PCDHA4: variants seen among roughly 807,000 people sequenced by gnomAD.
The protein encoded by PCDHA4 is protocadherin alpha 4.
In PCDHA4, 49 loss-of-function variants were observed where a neutral mutation model predicts 61.4. That is an observed-to-expected ratio of 0.80 (90% confidence interval 0.63 to 1.01). The LOEUF (loss-of-function observed/expected upper bound fraction) is 1.01, where lower values mean the gene tolerates loss of function less well. Among genes scored for constraint, PCDHA4 ranks in the 50% least tolerant of loss-of-function variants. PCDHA4 has a pLI of 0.00. For missense variants in PCDHA4, 1,254 were observed against 1,235.8 expected (o/e 1.01, Z -0.22); for synonymous variants, 590 against 550.3 (o/e 1.07, Z -1.01).
intron 1 of PCDHA4, among the ~76,000 whole-genome samples, chr5:140,902,823 G>A (rs182466889): frequency 1.6e-3 from 246 of 151,864 alleles, no homozygotes; most frequent in Non-Finnish European, 2.9e-3. Flanking sequence ...TTTGGTTTTC[G>A]ATTTCTGAGT....
At chr5:141,005,321 A>C (rs1455149994) in intron 3 of PCDHA4, among the ~76,000 whole-genome samples, 1 of 152,182 alleles carries the variant, frequency 6.6e-6, no homozygotes, top group Admixed American at 6.5e-5. Context: ...AGTGGTAGAG[A>C]ATAATAGGCC....
intron 1 of PCDHA4, chr5:140,856,664 C>T (rs782626089): frequency 6.3e-7 from 1 of 1,598,020 alleles, no homozygotes; most frequent in Non-Finnish European, 8.6e-7. Context: ...AGAAAATCCT[C>T]AGCTAAAGTT....
chr5:140,915,838 A>AG (rs1359061531), intron 1 of PCDHA4, among the ~76,000 whole-genome samples: 1 of 152,154 alleles, frequency 6.6e-6, no homozygotes, highest in Admixed American at 6.5e-5. Flanking sequence ...TAAGATCAGC[A>AG]GGGGGTGACA....
intron 1 of PCDHA4, among the ~76,000 whole-genome samples, chr5:140,846,219 G>A (rs1780263856): frequency 6.7e-6 from 1 of 149,418 alleles, no homozygotes; most frequent in South Asian, 2.1e-4. Flanking sequence ...TCCATTAATA[G>A]TATTTTTCTT....
chr5:140,967,433 C>A, intron 1 of PCDHA4: 1 of 1,613,500 alleles, frequency 6.2e-7, no homozygotes, highest in Non-Finnish European at 8.5e-7. Context: ...GGCAGCCTTG[C>A]ACCACCTGGT....
At chr5:140,819,480 C>T (rs1242714625) in intron 1 of PCDHA4, among the ~76,000 whole-genome samples, 3 of 152,058 alleles carry the variant, frequency 2.0e-5, no homozygotes, top group Non-Finnish European at 2.9e-5. Flanking sequence ...CACAATGATG[C>T]TTAAACATGA....
At chr5:140,876,709 C>T (rs782033453) in intron 1 of PCDHA4, 1 of 1,614,248 alleles carries the variant, frequency 6.2e-7, no homozygotes, top group Non-Finnish European at 8.5e-7. Context: ...GGACAGCGCC[C>T]TGGACCGCGA....
At chr5:140,876,169 C>G in intron 1 of PCDHA4, 1 of 1,613,916 alleles carries the variant, frequency 6.2e-7, no homozygotes, top group African/African-American at 1.3e-5. Context: ...AATAACCGTC[C>G]TGGATGTGAA....
chr5:140,919,926 TG>T (rs1366281727), intron 1 of PCDHA4, among the ~76,000 whole-genome samples: 3 of 152,088 alleles, frequency 2.0e-5, no homozygotes, highest in African/African-American at 7.2e-5. Flanking sequence ...AATTTTCAGG[TG>T]GGGGCTAATT....
intron 1 of PCDHA4, among the ~76,000 whole-genome samples, chr5:140,941,764 A>T (rs116374830): frequency 2.0e-5 from 3 of 152,190 alleles, no homozygotes. Flanking sequence ...TGCTTTTAAG[A>T]TAATTGTTTT....
chr5:140,882,152 G>A (rs1582595300), intron 1 of PCDHA4: 2 of 1,505,314 alleles, frequency 1.3e-6, no homozygotes, highest in Non-Finnish European at 8.9e-7. Flanking sequence ...GCAGAAAGCG[G>A]AATACCTCTT....
In PCDHA4 at chr5:140,829,498, G is replaced by A. The variant is rs143385612; in HGVS notation, c.2385+19926G>A. On this transcript the variant is annotated intron_variant, in intron 1 of 3. Transcript: ENST00000530339. ...CAGTGTTCGTGAAGGAGAACAACCC[G>A]CCGGGCTGCCACATCTTCACGGTGT... is the stretch of plus-strand genomic sequence containing the variant. The A allele has an allele frequency of 5.0e-6, 8 of 1,613,570 alleles. No individual in the cohort carries two copies. In the African/African-American group the frequency reaches 6.7e-5, roughly 13 times the overall value.
intron 1 of PCDHA4, among the ~76,000 whole-genome samples, chr5:140,951,313 T>C (rs1554219855): frequency 1.3e-5 from 2 of 152,194 alleles, no homozygotes; most frequent in Non-Finnish European, 2.9e-5. Flanking sequence ...TAATGTGTTA[T>C]TCTTGAGATT....
intron 1 of PCDHA4, chr5:140,968,791 C>G (rs2096270570): frequency 2.5e-6 from 4 of 1,614,076 alleles, no homozygotes; most frequent in Non-Finnish European, 3.4e-6. Flanking sequence ...CCTCTGTGGC[C>G]ATTACAGTAG....
At chr5:140,915,982 G>A (rs1563009608) in intron 1 of PCDHA4, among the ~76,000 whole-genome samples, 3 of 152,230 alleles carry the variant, frequency 2.0e-5, no homozygotes, top group South Asian at 2.1e-4. Flanking sequence ...ATTTGACTAC[G>A]GCTAAGCTGG....
At chr5:140,927,342 TGAC>T (rs1554204398) in intron 1 of PCDHA4, 1 of 1,614,160 alleles carries the variant, frequency 6.2e-7, no homozygotes, top group Non-Finnish European at 8.5e-7. Context: ...ATGCCCAAGA[TGAC>T]GACGAGGGAA....
intron 1 of PCDHA4, chr5:140,850,857 G>C: frequency 6.3e-7 from 1 of 1,595,010 alleles, no homozygotes; most frequent in Non-Finnish European, 8.6e-7. Flanking sequence ...GCGAACGGGA[G>C]AACCCTCTGC....
chr5:140,808,809 G>T lies in PCDHA4; in HGVS notation c.1622G>T (p.Gly541Val). 6 of 1,612,748 alleles carry T rather than the reference G, an allele frequency of 3.7e-6. No individual in the cohort carries two copies. Among genetic ancestry groups the T allele is most frequent in the Non-Finnish European group, 5.1e-6 (6 of 1,179,880 alleles). The change falls in exon 1 of 4, where the codon GGC becomes GTC. Residue 541 changes from glycine (G) to valine (V), a missense_variant. Gly to Val is a moderately radical substitution (Grantham distance 109, BLOSUM62 -3). Coordinates refer to ENST00000530339, the MANE Select transcript of PCDHA4 (RefSeq NM_018907.4). ...LQFQVTARDA[G>V]VPPLGSNVTL... Reference sequence around the variant, plus strand: ...TTTCAGGTGACCGCTCGCGATGCCGGCGTGCCACCTCTGGGCAGCAACGTG... The same window carrying T: ...TTTCAGGTGACCGCTCGCGATGCCGTCGTGCCACCTCTGGGCAGCAACGTG...
At chr5:140,858,612 A>G (rs1554151880) in intron 1 of PCDHA4, 2 of 1,223,056 alleles carry the variant, frequency 1.6e-6, no homozygotes, top group Admixed American at 2.7e-5. Flanking sequence ...AAATTTTTTT[A>G]TCCTACCCAG....
Sources: allele counts gnomAD v4.1 joint callset (sites outside exome capture counted in the v4.1 genomes callset), GRCh38; gene constraint gnomAD v4.1.1; transcripts MANE v1.5; gene names NCBI Gene and HGNC (gene_info 2026-07-23, HGNC 2026-07-21).